Variants in KBTBD2 observed in about 807,000 individuals in gnomAD.
KBTBD2 encodes the protein kelch repeat and BTB domain containing 2, also known as kelch repeat and BTB domain-containing protein 2.
Under a neutral mutation model 57.1 loss-of-function variants are expected in KBTBD2, and 17 were observed. The ratio of observed to expected loss-of-function variants is 0.30; its 90% CI spans 0.20 to 0.45. The LOEUF (loss-of-function observed/expected upper bound fraction) is 0.45, where lower values mean the gene tolerates loss of function less well. Among genes scored for constraint, KBTBD2 ranks in the 20% least tolerant of loss-of-function variants. The probability of loss-of-function intolerance (pLI) is 1.00; values close to 1 mark genes in which losing one functional copy is unlikely to be tolerated. For synonymous variants in KBTBD2, 267 were observed against 262.7 expected (o/e 1.02, Z -0.16); for missense variants, 515 against 750.6 (o/e 0.69, Z 3.67).
chr7:32,869,748 C>A lies in KBTBD2; in HGVS notation c.1469G>T (p.Gly490Val). The A allele has an allele frequency of 6.2e-7, 1 of 1,614,016 alleles. No individual in the cohort carries two copies. The highest frequency in any genetic ancestry group is 8.5e-7 in the Non-Finnish European group (1 of 1,179,990). Residue 490 changes from glycine to valine, a missense_variant, in exon 4 of 4, where the codon GGC becomes GTC. Transcript: ENST00000304056. ...ATNSGIRLPS[G>V]TVDGSSVTVE... ...AGTTACTGAAGACCCATCTACAGTG[C>A]CAGAGGGGAGTCTTATGCCGGAATT...
intron 2 of KBTBD2, among the ~76,000 whole-genome samples, chr7:32,877,616 A>C (rs1562533970): frequency 1.3e-5 from 2 of 152,212 alleles, no homozygotes; most frequent in South Asian, 4.1e-4. Context: ...AGCAGAATCT[A>C]GTTGAAGAAC....
chr7:32,886,303 T>C (rs926468642), intron 1 of KBTBD2, among the ~76,000 whole-genome samples: 4 of 152,236 alleles, frequency 2.6e-5, no homozygotes, highest in African/African-American at 9.6e-5. Context: ...ATTTATAAAC[T>C]GATTGAAAAC....
intron 1 of KBTBD2, among the ~76,000 whole-genome samples, chr7:32,888,596 TGAAGAATCTATCA>T (rs1784641946): frequency 6.6e-6 from 1 of 151,570 alleles, no homozygotes. Context: ...CCTGGCCTTT[TGAAGAATCTATCA>T]AGTTTTAAAA....
At chr7:32,887,399 C>T (rs77595573) in intron 1 of KBTBD2, among the ~76,000 whole-genome samples, 1 of 151,610 alleles carries the variant, frequency 6.6e-6, no homozygotes, top group South Asian at 2.1e-4. Flanking sequence ...GTTCTCACCA[C>T]AAAAAAAATA....
At chr7:32,874,235 C>T (rs1233234796) in intron 3 of KBTBD2, among the ~76,000 whole-genome samples, 1 of 151,744 alleles carries the variant, frequency 6.6e-6, no homozygotes, top group African/African-American at 2.4e-5. Context: ...CCCATCTCTA[C>T]TAAAAATACA....
chr7:32,889,439 A>G lies in KBTBD2; in HGVS notation c.-339+2097T>C, dbSNP rs751190707. Among the ~76,000 whole-genome samples the G allele has an allele frequency of 8.5e-5, 13 of 152,100 alleles. No individual in the cohort carries two copies. In the South Asian group the frequency reaches 2.1e-3, roughly 24 times the overall value. On this transcript the variant is annotated intron_variant, in intron 1 of 3. Coordinates refer to ENST00000304056, the MANE Select transcript of KBTBD2 (RefSeq NM_015483.3). ...AACATGGTGAACCCTCATCTCTACT[A>G]AAAATACAAAAATTAGCCAGGCCTG...
chr7:32,873,866 T>TAG (rs1158557372), intron 3 of KBTBD2, among the ~76,000 whole-genome samples: 20 of 152,356 alleles, frequency 1.3e-4, no homozygotes, highest in African/African-American at 4.8e-4. Flanking sequence ...AACTACTTAG[T>TAG]TTACTGGGTA....
Position 32,869,518 on chromosome 7 carries a change from T to C in KBTBD2, c.1699A>G (p.Ile567Val), listed in dbSNP as rs775176803. The change falls in exon 4 of 4, where the codon ATA becomes GTA. Residue 567 changes from isoleucine to valine, a missense_variant. Ile to Val is a conservative substitution (Grantham distance 29). Coordinates refer to ENST00000304056, the MANE Select transcript of KBTBD2 (RefSeq NM_015483.3). ...ELDRWSLRQHISERVLWDLGR... is the reference protein window; with the variant it reads ...ELDRWSLRQHVSERVLWDLGR... The stretch of plus-strand genomic sequence containing the variant: ...AAGTCCCACAGTACACGTTCAGATA[T>C]ATGCTGCCGCAGAGACCACCGGTCA... 9.9e-6 allele frequency: 16 copies of C among 1,614,140 alleles called. No individual in the cohort carries two copies. The East Asian group carries it at 2.7e-4, about 27-fold the overall frequency.
Position 32,870,882 on chromosome 7 carries a change from T to C in KBTBD2, c.337-2A>G. 3 of 1,508,026 alleles carry C rather than the reference T, an allele frequency of 2.0e-6. No homozygotes were observed. Among genetic ancestry groups the C allele is most frequent in the Non-Finnish European group, 1.8e-6 (2 of 1,131,096 alleles). The allele number at this position is 1,508,026 out of a possible 1,614,324, so 93.4% of individuals were successfully genotyped here. ...ACAACGTTGTAACACATCTTCTACC[T>C]AGAATGAGAAGGAAAAAAAAAACAG... On this transcript the variant is annotated splice_acceptor_variant, in intron 3 of 3. Transcript: ENST00000304056. LOFTEE classifies it high-confidence loss of function.
chr7:32,879,135 T>G (rs1008820617), intron 2 of KBTBD2, among the ~76,000 whole-genome samples: 1 of 148,408 alleles, frequency 6.7e-6, no homozygotes, highest in Non-Finnish European at 1.5e-5. Context: ...TTTTAAAATC[T>G]CAAAGTGTAA....
intron 1 of KBTBD2, among the ~76,000 whole-genome samples, chr7:32,885,941 C>A (rs1362045175): frequency 1.3e-5 from 2 of 150,144 alleles, no homozygotes; most frequent in Non-Finnish European, 3.0e-5. Flanking sequence ...CAGAGTCTCG[C>A]TCTGTCGCCC....
intron 1 of KBTBD2, 27 bp from the exon 2 acceptor site, chr7:32,879,969 G>A (rs1784407684): frequency 5.2e-6 from 1 of 192,960 alleles, no homozygotes; most frequent in Non-Finnish European, 1.1e-5. Flanking sequence ...TTCAGTTGTA[G>A]TATCTAGGCC....
chr7:32,891,277 G>A (rs1428907518), intron 1 of KBTBD2: 3 of 148,870 alleles, frequency 2.0e-5, no homozygotes, highest in Admixed American at 1.3e-4. Flanking sequence ...CGGCGTACCG[G>A]GCCGCCCCTT....
intron 1 of KBTBD2, among the ~76,000 whole-genome samples, chr7:32,881,434 A>C (rs1439591271): frequency 6.6e-6 from 1 of 152,234 alleles, no homozygotes; most frequent in East Asian, 1.9e-4. Context: ...ACCATTAGTT[A>C]CCATAATGAG....
intron 1 of KBTBD2, among the ~76,000 whole-genome samples, chr7:32,882,107 T>C (rs749530354): frequency 7.2e-5 from 11 of 152,198 alleles, no homozygotes; most frequent in Non-Finnish European, 1.6e-4. Context: ...TCAGAGCTTT[T>C]TGAATTTCAA....
At chr7:32,889,388 G>A (rs1261651816) in intron 1 of KBTBD2, among the ~76,000 whole-genome samples, 1 of 152,046 alleles carries the variant, frequency 6.6e-6, no homozygotes, top group East Asian at 1.9e-4. Flanking sequence ...GGATCACGAG[G>A]TCAGGAGCTC....
intron 1 of KBTBD2, among the ~76,000 whole-genome samples, chr7:32,881,127 TGATAAA>T (rs1436158104): frequency 6.6e-6 from 1 of 150,682 alleles, no homozygotes; most frequent in Non-Finnish European, 1.5e-5. Flanking sequence ...AAATTAGATA[TGATAAA>T]GATAAATATG....
Position 32,879,576 on chromosome 7 carries a change from T to C in KBTBD2, c.29A>G (p.Asn10Ser), listed in dbSNP as rs2127953251. The C allele has an allele frequency of 1.2e-6, 2 of 1,613,574 alleles. No individual in the cohort carries two copies. The highest frequency in any genetic ancestry group is 1.1e-5 in the South Asian group (1 of 91,040). Residue 10 changes from asparagine to serine, a missense_variant, in exon 2 of 4, where the codon AAT becomes AGT. Asn to Ser is a conservative substitution (Grantham distance 46, BLOSUM62 1). Coordinates refer to ENST00000304056, the MANE Select transcript of KBTBD2 (RefSeq NM_015483.3). ...CAACAATGACACAGCATATTCAGTA[T>C]TGATCTGCCTCTCGTCTTGAGTGGA... MSTQDERQI[N>S]TEYAVSLLEQ...
chr7:32,873,315 T>C (rs543626930), intron 3 of KBTBD2, among the ~76,000 whole-genome samples: 1 of 146,696 alleles, frequency 6.8e-6, no homozygotes, highest in South Asian at 2.1e-4. Flanking sequence ...TATAAATATT[T>C]ATCATAATTT....
Sources: allele counts gnomAD v4.1 joint callset (sites outside exome capture counted in the v4.1 genomes callset), GRCh38; gene constraint gnomAD v4.1.1; transcripts MANE v1.5; gene names NCBI Gene and HGNC (gene_info 2026-07-23, HGNC 2026-07-21).